FUT8: variants seen among roughly 807,000 people sequenced by gnomAD.
FUT8 encodes the protein alpha-(1,6)-fucosyltransferase.
In FUT8, 29 loss-of-function variants were observed where a neutral mutation model predicts 71.3. The ratio of observed to expected loss-of-function variants is 0.41; its 90% CI spans 0.30 to 0.55. FUT8 has a LOEUF of 0.55. FUT8 is among the 20% of genes least tolerant of loss of function. The pLI, the probability that FUT8 is intolerant of heterozygous loss-of-function variation, is 0.34. For missense variants in FUT8, 544 were observed against 702.1 expected, an observed-to-expected ratio of 0.77 and a Z score of 2.55; for synonymous variants, 254 against 239.3, an observed-to-expected ratio of 1.06 and a Z score of -0.57.
At chr14:65,648,743 T>C (rs1420494004) in intron 6 of FUT8, among the ~76,000 whole-genome samples, 2 of 152,190 alleles carry the variant, frequency 1.3e-5, no homozygotes, top group Non-Finnish European at 2.9e-5. Flanking sequence ...TAATTTATCT[T>C]TGATTTTTTG....
At chr14:65,370,875 T>C in the FUT8 span, among the ~76,000 whole-genome samples, 1 of 152,186 alleles carries the variant, frequency 6.6e-6, no homozygotes, top group Admixed American at 6.5e-5. Flanking sequence ...TGGGACTTTT[T>C]AACATTTGAA....
intron 6 of FUT8, among the ~76,000 whole-genome samples, chr14:65,630,776 G>C (rs1025759312): frequency 4.6e-5 from 7 of 152,142 alleles, no homozygotes; most frequent in Admixed American, 1.3e-4. Flanking sequence ...GGACAGAATA[G>C]TTTTCAGGGG....
At chr14:65,606,098 A>C (rs1594809807) in intron 3 of FUT8, among the ~76,000 whole-genome samples, 1 of 134,234 alleles carries the variant, frequency 7.4e-6, no homozygotes, top group Non-Finnish European at 1.5e-5. Flanking sequence ...TTTGAGATGG[A>C]GTCTCGCTCT....
At chr14:65,427,878 G>A (rs2065413882) in intron 1 of FUT8, among the ~76,000 whole-genome samples, 1 of 152,070 alleles carries the variant, frequency 6.6e-6, no homozygotes, top group Non-Finnish European at 1.5e-5. Flanking sequence ...TCTGCTTTTT[G>A]TCTCCATGGT....
chr14:65,387,819 T>G, the FUT8 span, among the ~76,000 whole-genome samples: 1 of 152,222 alleles, frequency 6.6e-6, no homozygotes, highest in Admixed American at 6.5e-5. Context: ...ATATTTTATC[T>G]CATTTTCAGT....
chr14:65,454,658 A>G (rs1334657620), intron 1 of FUT8, among the ~76,000 whole-genome samples: 1 of 152,174 alleles, frequency 6.6e-6, no homozygotes, highest in Non-Finnish European at 1.5e-5. Flanking sequence ...TCAGAGAAAA[A>G]TCTCATGTTG....
chr14:65,424,484 C>T lies in FUT8; in HGVS notation c.-326+11270C>T, dbSNP rs149107054. Among the ~76,000 whole-genome samples the T allele has an allele frequency of 3.5e-3, 527 of 150,476 alleles. 2 individuals carry two copies. Among genetic ancestry groups the T allele is most frequent in the African/African-American group, 0.012 (500 of 41,060 alleles). On this transcript the variant is annotated intron_variant, in intron 1 of 10. Transcript: ENST00000673929. Reference sequence around the variant, plus strand: ...AAATGATAAAATAGACTAGTATCTACATATATTTTAAGCACTCATGACATA... The same window carrying T: ...AAATGATAAAATAGACTAGTATCTATATATATTTTAAGCACTCATGACATA...
intron 2 of FUT8, among the ~76,000 whole-genome samples, chr14:65,475,842 C>T (rs2066230754): frequency 6.6e-6 from 1 of 152,034 alleles, no homozygotes. Context: ...GGAAATCAGT[C>T]TTGGGCCCAA....
rs576556072 is a variant in FUT8, at chr14:65,524,211, A to G, written c.-227-37126A>G. Among the ~76,000 whole-genome samples, 5 of 152,234 alleles carry G rather than the reference A, an allele frequency of 3.3e-5. No homozygotes were observed. In the East Asian group the frequency reaches 9.7e-4, roughly 29 times the overall value. ...TGATTCTTCCTATCCGTGAGCATGGAATGTTCTTCCATTTGTTTATGTCCT... is the reference window on the plus strand; with the variant it reads ...TGATTCTTCCTATCCGTGAGCATGGGATGTTCTTCCATTTGTTTATGTCCT... On this transcript the variant is annotated intron_variant, in intron 2 of 10. Transcript: ENST00000673929.
chr14:65,499,449 A>G (rs181864359), intron 2 of FUT8, among the ~76,000 whole-genome samples: 36 of 152,140 alleles, frequency 2.4e-4, no homozygotes, highest in African/African-American at 7.7e-4. Flanking sequence ...ATTATTTAAT[A>G]TCTTATTTTG....
At chr14:65,689,156 C>T (rs1893451580) in intron 7 of FUT8, among the ~76,000 whole-genome samples, 1 of 152,262 alleles carries the variant, frequency 6.6e-6, no homozygotes, top group Non-Finnish European at 1.5e-5. Flanking sequence ...TTCTTCACAT[C>T]TTCCCCAGCA....
intron 5 of FUT8, among the ~76,000 whole-genome samples, chr14:65,619,668 G>T (rs980214572): frequency 6.6e-6 from 1 of 152,098 alleles, no homozygotes; most frequent in Non-Finnish European, 1.5e-5. Flanking sequence ...ATTTAGAGGT[G>T]TTGATGGTAT....
intron 2 of FUT8, among the ~76,000 whole-genome samples, chr14:65,479,971 C>A (rs1289814224): frequency 6.6e-6 from 1 of 151,804 alleles, no homozygotes; most frequent in East Asian, 1.9e-4. Context: ...ATGAAGAAAC[C>A]AAATATTTTG....
intron 2 of FUT8, among the ~76,000 whole-genome samples, chr14:65,541,959 T>C (rs1362126024): frequency 6.6e-6 from 1 of 152,200 alleles, no homozygotes; most frequent in Non-Finnish European, 1.5e-5. Context: ...AGAAAAAAGC[T>C]GCCATTGATT....
intron 3 of FUT8, among the ~76,000 whole-genome samples, chr14:65,590,977 C>T (rs906591223): frequency 2.0e-5 from 3 of 152,134 alleles, no homozygotes; most frequent in Admixed American, 1.3e-4. Context: ...TTATGGCCTT[C>T]AGTTTGTGTT....
chr14:65,553,350 T>G (rs1349866040), intron 2 of FUT8, among the ~76,000 whole-genome samples: 85 of 152,150 alleles, frequency 5.6e-4, no homozygotes, highest in Non-Finnish European at 1.2e-4. Context: ...CGTCTCATCT[T>G]TTAAATATTC....
At chr14:65,412,083 C>T, upstream of FUT8, 2 of 456,704 alleles carry the variant, frequency 4.4e-6, no homozygotes, top group South Asian at 1.5e-5. Flanking sequence ...GAGGGGCTGT[C>T]GCAGCCGCGG....
intron 7 of FUT8, among the ~76,000 whole-genome samples, chr14:65,698,367 GAAT>G (rs976501689): frequency 6.6e-6 from 1 of 152,098 alleles, no homozygotes; most frequent in South Asian, 2.1e-4. Context: ...ACAAAAACAA[GAAT>G]AATATCTCTT....
At chr14:65,575,625 CTT>C (rs141102232) in intron 3 of FUT8, among the ~76,000 whole-genome samples, 7 of 123,704 alleles carry the variant, frequency 5.7e-5, no homozygotes, top group Admixed American at 5.2e-4. Flanking sequence ...CTTCCTTCCT[CTT>C]TTTTTTTTTC....
Sources: allele counts gnomAD v4.1 joint callset (sites outside exome capture counted in the v4.1 genomes callset), GRCh38; gene constraint gnomAD v4.1.1; transcripts MANE v1.5; gene names NCBI Gene and HGNC (gene_info 2026-07-23, HGNC 2026-07-21).